The following FNDC3A variants were observed in gnomAD, a reference collection of about 807,000 sequenced individuals.
FNDC3A encodes the protein fibronectin type III domain containing 3A.
In FNDC3A, 32 loss-of-function variants were observed where a neutral mutation model predicts 148.9. That is an observed-to-expected ratio of 0.21 (90% CI 0.16 to 0.29). The LOEUF (loss-of-function observed/expected upper bound fraction) is 0.29. Among genes scored for constraint, FNDC3A ranks in the 10% least tolerant of loss-of-function variants. The pLI is 1.00. For missense variants in FNDC3A, 1,191 were observed against 1,452.8 expected (o/e 0.82, Z 2.93); for synonymous variants, 472 against 473.6 (o/e 1.00, Z 0.04).
chr13:49,086,180 C>T (rs1469205997), intron 3 of FNDC3A, among the ~76,000 whole-genome samples: 1 of 152,224 alleles, frequency 6.6e-6, no homozygotes, highest in African/African-American at 2.4e-5. Flanking sequence ...CTGCACCCAG[C>T]CTCTCCCATC....
At chr13:49,112,121 A>G (rs150430761) in intron 3 of FNDC3A, among the ~76,000 whole-genome samples, 2 of 152,354 alleles carry the variant, frequency 1.3e-5, no homozygotes, top group East Asian at 1.9e-4. Flanking sequence ...AGAAAAACCT[A>G]TTCTGATGAC....
chr13:49,049,324 G>A (rs1313037881), intron 2 of FNDC3A, among the ~76,000 whole-genome samples: 1 of 152,086 alleles, frequency 6.6e-6, no homozygotes, highest in African/African-American at 2.4e-5. Context: ...TGGCTTCATA[G>A]AATGATTTCA....
intron 4 of FNDC3A, among the ~76,000 whole-genome samples, chr13:49,120,833 A>C (rs757562303): frequency 2.8e-4 from 43 of 152,228 alleles, no homozygotes; most frequent in Non-Finnish European, 1.2e-4. Flanking sequence ...AGGAGCACCC[A>C]GATTTATAAA....
chr13:49,038,155 G>A (rs984544636), intron 2 of FNDC3A, among the ~76,000 whole-genome samples: 1 of 152,136 alleles, frequency 6.6e-6, no homozygotes, highest in African/African-American at 2.4e-5. Context: ...GACACGTTCT[G>A]CCGTTTGTCT....
chr13:49,186,638 C>T (rs550592285), intron 15 of FNDC3A, among the ~76,000 whole-genome samples: 3 of 152,282 alleles, frequency 2.0e-5, no homozygotes, highest in East Asian at 1.9e-4. Flanking sequence ...GAGGCCCAGG[C>T]GGGCAGATCA....
intron 2 of FNDC3A, among the ~76,000 whole-genome samples, chr13:49,013,012 C>G (rs1375972529): frequency 6.6e-6 from 1 of 151,982 alleles, no homozygotes; most frequent in African/African-American, 2.4e-5. Context: ...TATGTATATT[C>G]TTTCTAAGAT....
intron 9 of FNDC3A, among the ~76,000 whole-genome samples, chr13:49,168,392 A>G (rs1449251849): frequency 6.6e-6 from 1 of 152,182 alleles, no homozygotes; most frequent in African/African-American, 2.4e-5. Context: ...GCACACTCAC[A>G]GTTATATCAC....
At chr13:49,169,928 G>T (rs1884668940) in intron 10 of FNDC3A, among the ~76,000 whole-genome samples, 1 of 152,162 alleles carries the variant, frequency 6.6e-6, no homozygotes, top group Non-Finnish European at 1.5e-5. Flanking sequence ...TTTATTTGTG[G>T]ATATGCTCAG....
At chr13:49,139,375 A>G (rs951930404) in intron 7 of FNDC3A, among the ~76,000 whole-genome samples, 1 of 152,140 alleles carries the variant, frequency 6.6e-6, no homozygotes, top group Non-Finnish European at 1.5e-5. Flanking sequence ...ATTGATAAGA[A>G]TATTTTTTGG....
At chr13:49,136,152 A>G (rs1882343150) in intron 5 of FNDC3A, among the ~76,000 whole-genome samples, 180 bp from the exon 6 acceptor site, 1 of 152,196 alleles carries the variant, frequency 6.6e-6, no homozygotes. Context: ...TAATTAGAAT[A>G]AATCACAAAG....
intron 5 of FNDC3A, among the ~76,000 whole-genome samples, chr13:49,134,914 T>A (rs2137935630): frequency 7.3e-6 from 1 of 136,776 alleles, no homozygotes; most frequent in Non-Finnish European, 1.5e-5. Context: ...AGTGGCATGA[T>A]CTCGGCTCAC....
At chr13:49,002,668 C>T (rs1196087645) in intron 1 of FNDC3A, among the ~76,000 whole-genome samples, 1 of 152,122 alleles carries the variant, frequency 6.6e-6, no homozygotes, top group Non-Finnish European at 1.5e-5. Context: ...TTGGTTTTAT[C>T]TGTTTTTGAA....
At chr13:49,063,034 A>G in intron 2 of FNDC3A, among the ~76,000 whole-genome samples, 1 of 152,068 alleles carries the variant, frequency 6.6e-6, no homozygotes, top group East Asian at 1.9e-4. Flanking sequence ...CTTTTTCTCA[A>G]CTTTATATAG....
chr13:49,173,196 C>A (rs1884853170), intron 11 of FNDC3A, among the ~76,000 whole-genome samples: 1 of 152,126 alleles, frequency 6.6e-6, no homozygotes, highest in Non-Finnish European at 1.5e-5. Flanking sequence ...TGGCTTGTAC[C>A]AAGCTAAGAA....
At position 49,161,174 on chromosome 13, in the gene FNDC3A, T is replaced by G. The variant is rs572361272; in HGVS notation, c.978-6070T>G. On this transcript the variant is annotated intron_variant, in intron 8 of 25. Coordinates refer to ENST00000492622, the MANE Select transcript of FNDC3A (RefSeq NM_001079673.2). ...ACTTGAGTTCAAGTCCTGGGTATCC[T>G]TGTTAACTTTCTGTCTTGTTGATCT... Among the ~76,000 whole-genome samples the G allele has an allele frequency of 4.6e-5, 7 of 152,328 alleles. No individual in the cohort carries two copies. The South Asian group carries it at 1.2e-3, about 27-fold the overall frequency.
intron 2 of FNDC3A, among the ~76,000 whole-genome samples, chr13:49,051,311 C>T (rs555009749): frequency 1.8e-4 from 28 of 152,066 alleles, no homozygotes; most frequent in East Asian, 5.8e-4. Context: ...GTGTATTTTG[C>T]GGATTTGTTT....
In FNDC3A at chr13:49,178,587, A is replaced by C. The variant is rs1296518428; in HGVS notation, c.1550A>C (p.Lys517Thr). ...TTCCAGGGATATGGTTTTAAGCCTA[A>C]ATATGATGGAGAAGATCTTGCTTAC... ...EETSGYGFKPKYDGEDLAYTV... is the reference protein window; with the variant it reads ...EETSGYGFKPTYDGEDLAYTV... Residue 517 changes from lysine (K) to threonine (T), a missense_variant, in exon 14 of 26, where the codon AAA (lysine) becomes ACA (threonine). By Grantham distance (78) the Lys-to-Thr change is moderately conservative. Coordinates refer to ENST00000492622, the MANE Select transcript of FNDC3A (RefSeq NM_001079673.2). The C allele has an allele frequency of 6.3e-7, 1 of 1,594,016 alleles. No homozygotes were observed. Among genetic ancestry groups the C allele is most frequent in the Non-Finnish European group, 8.5e-7 (1 of 1,169,776 alleles).
intron 3 of FNDC3A, among the ~76,000 whole-genome samples, chr13:49,088,966 G>T (rs1005025342): frequency 6.6e-5 from 10 of 152,080 alleles, no homozygotes; most frequent in Admixed American, 6.5e-4. Flanking sequence ...TTCCACTTAC[G>T]TGAGGTATCC....
At chr13:49,036,020 C>T (rs918953281) in intron 2 of FNDC3A, among the ~76,000 whole-genome samples, 1 of 152,068 alleles carries the variant, frequency 6.6e-6, no homozygotes, top group Non-Finnish European at 1.5e-5. Flanking sequence ...ATAGATAAAG[C>T]TTAATGCAAA....
Sources: gnomAD v4.1 joint callset for allele counts (sites outside exome capture counted in the v4.1 genomes callset) on GRCh38, gnomAD v4.1.1 for gene constraint, MANE v1.5 for transcripts, NCBI Gene and HGNC (gene_info 2026-07-23, HGNC 2026-07-21) for gene names.